Variants in SLF1 observed in about 807,000 individuals in gnomAD.
SLF1 encodes the protein SMC5-SMC6 complex localization factor protein 1.
SLF1 carries 105 observed loss-of-function variants against 123.0 expected under a neutral mutation model. The ratio of observed to expected loss-of-function variants is 0.85; its 90% CI spans 0.73 to 1.00. The LOEUF is 1.00. Among genes scored for constraint, SLF1 ranks in the 50% least tolerant of loss-of-function variants. The pLI is 0.00. For missense variants in SLF1, 1,239 were observed against 1,223.0 expected (o/e 1.01, Z -0.20); for synonymous variants, 434 against 406.6 (o/e 1.07, Z -0.81).
At chr5:94,673,763 G>A (rs1464821971) in intron 14 of SLF1, among the ~76,000 whole-genome samples, 2 of 149,490 alleles carry the variant, frequency 1.3e-5, no homozygotes. Flanking sequence ...GTTCTTGCTG[G>A]TTTTTTAAAA....
intron 15 of SLF1, among the ~76,000 whole-genome samples, chr5:94,685,949 A>G (rs1458863513): frequency 1.3e-5 from 2 of 151,484 alleles, no homozygotes; most frequent in Non-Finnish European, 2.9e-5. Context: ...CTCCTGTTTC[A>G]TGTTTTTCTT....
intron 15 of SLF1, among the ~76,000 whole-genome samples, chr5:94,684,459 G>A (rs1752153234): frequency 6.6e-6 from 1 of 152,008 alleles, no homozygotes; most frequent in South Asian, 2.1e-4. Context: ...AGCACTTTGG[G>A]AGGCCAAGGC....
In SLF1 at chr5:94,663,777, G is replaced by A; in HGVS notation, c.1237G>A (p.Val413Ile). Reference protein sequence around the residue: ...EVKNAEFPRGVLNLIESLIEG... With the variant: ...EVKNAEFPRGILNLIESLIEG... ...TAAAAATGCTGAATTTCCCAGAGGT[G>A]TATTAAATTTAATTGAAAGCCTCAT... The change falls in exon 11 of 21, where the codon GTA becomes ATA. Residue 413 changes from valine to isoleucine, a missense_variant. Transcript: ENST00000265140. The A allele has an allele frequency of 1.9e-6, 3 of 1,544,918 alleles. No individual in the cohort carries two copies. Among genetic ancestry groups the A allele is most frequent in the Non-Finnish European group, 2.6e-6 (3 of 1,144,378 alleles).
Position 94,666,519 on chromosome 5 carries a change from C to G in SLF1, c.1532+495C>G, listed in dbSNP as rs994168461. On this transcript the variant is annotated intron_variant, in intron 12 of 20. Transcript: ENST00000265140. ...ATGCTGTCACTGCCTAGACCTTCCT[C>G]TGTCTTTCAGTTGTTAGTGTCTCCA... Among the ~76,000 whole-genome samples, 4 of 152,234 alleles carry G rather than the reference C, an allele frequency of 2.6e-5. No individual in the cohort carries two copies. In the East Asian group the frequency reaches 7.7e-4, roughly 29 times the overall value.
chr5:94,662,424 A>C (rs762954948), intron 10 of SLF1, 73 bp downstream of exon 10: 22 of 1,307,216 alleles, frequency 1.7e-5, no homozygotes, highest in Non-Finnish European at 2.3e-5. Context: ...GTTATTTTGA[A>C]TAAAAGTAAT....
intron 6 of SLF1, among the ~76,000 whole-genome samples, chr5:94,650,314 A>G (rs908987608): frequency 1.1e-4 from 16 of 152,064 alleles, no homozygotes; most frequent in East Asian, 5.8e-4. Flanking sequence ...TGTTTTTACC[A>G]TATCTGTCAA....
chr5:94,651,602 C>G (rs1308698421), intron 6 of SLF1, 100 bp from the exon 7 acceptor site: 2 of 962,038 alleles, frequency 2.1e-6, no homozygotes, highest in African/African-American at 3.5e-5. Flanking sequence ...TTTACAAAAT[C>G]TATGTTCCTG....
chr5:94,695,100 C>A lies in SLF1; in HGVS notation c.2965C>A (p.Leu989Met). 1 of 1,612,660 alleles carries A rather than the reference C, an allele frequency of 6.2e-7. No homozygotes were observed. Among genetic ancestry groups the A allele is most frequent in the Non-Finnish European group, 8.5e-7 (1 of 1,179,156 alleles). ...ASKGLTHLNE[L>M]LMACKSHKET... ...CAAAGGGTTAACTCATCTAAATGAA[C>A]TGCTTATGGCTTGTAAAAGTCATAA... The change falls in exon 21 of 21, where the codon CTG (leucine) becomes ATG (methionine). Residue 989 changes from leucine to methionine, a missense_variant. Transcript: ENST00000265140.
chr5:94,631,048 A>C (rs1195433044), intron 4 of SLF1, among the ~76,000 whole-genome samples: 1 of 152,214 alleles, frequency 6.6e-6, no homozygotes, highest in African/African-American at 2.4e-5. Context: ...CTAGTTATGA[A>C]GCACTTTTAG....
At chr5:94,664,924 G>T (rs1749568476) in intron 11 of SLF1, among the ~76,000 whole-genome samples, 1 of 152,050 alleles carries the variant, frequency 6.6e-6, no homozygotes, top group African/African-American at 2.4e-5. Flanking sequence ...ACATACGAAG[G>T]TTTTACATCC....
chr5:94,644,770 C>T (rs562161379), intron 5 of SLF1, among the ~76,000 whole-genome samples: 1 of 152,186 alleles, frequency 6.6e-6, no homozygotes, highest in Admixed American at 6.5e-5. Flanking sequence ...GTACTCCTTA[C>T]ATTTACAGTT....
At chr5:94,655,330 T>G (rs1349867780) in intron 9 of SLF1, among the ~76,000 whole-genome samples, 2 of 152,214 alleles carry the variant, frequency 1.3e-5, no homozygotes, top group African/African-American at 4.8e-5. Context: ...TGGGTTACTA[T>G]AGCTTTGTGG....
Position 94,670,994 on chromosome 5 carries a change from T to A in SLF1, c.1813T>A (p.Phe605Ile), listed in dbSNP as rs1309170192. ...GACTATATATTCTCACAAGGAAAAA[T>A]TCAAGTCTAATGATGTAAGTAGGAT... The part of the protein sequence containing the change: ...EWTIYSHKEK[F>I]KSNDVFKHEL... The change falls in exon 14 of 21, where the codon TTC becomes ATC. Residue 605 changes from phenylalanine (F) to isoleucine (I), a missense_variant. By Grantham distance (21) the Phe-to-Ile change is conservative. Coordinates refer to ENST00000265140, the MANE Select transcript of SLF1 (RefSeq NM_032290.4). 1.4e-5 allele frequency: 21 copies of A among 1,540,958 alleles called. No individual in the cohort carries two copies. Among genetic ancestry groups the A allele is most frequent in the Non-Finnish European group, 1.8e-5 (20 of 1,139,218 alleles).
intron 18 of SLF1, 41 bp from the exon 19 acceptor site, chr5:94,691,523 T>A (rs751971437): frequency 1.3e-6 from 2 of 1,520,356 alleles, no homozygotes; most frequent in South Asian, 2.3e-5. Flanking sequence ...TTAGTTGATA[T>A]CTTGTCTTCT....
chr5:94,688,378 A>T (rs576034970), intron 16 of SLF1, 128 bp from the exon 17 acceptor site: 1 of 897,402 alleles, frequency 1.1e-6, no homozygotes, highest in African/African-American at 1.7e-5. Flanking sequence ...TTCAACCAAG[A>T]TAGAGTGGCA....
At chr5:94,685,245 G>C (rs1025422028) in intron 15 of SLF1, among the ~76,000 whole-genome samples, 1 of 152,140 alleles carries the variant, frequency 6.6e-6, no homozygotes, top group African/African-American at 2.4e-5. Flanking sequence ...GCCTTATACT[G>C]CTATTAAGTT....
At chr5:94,652,704 T>A (rs1747882252) in intron 7 of SLF1, among the ~76,000 whole-genome samples, 1 of 152,192 alleles carries the variant, frequency 6.6e-6, no homozygotes, top group Admixed American at 6.5e-5. Flanking sequence ...TTTCTCTAGC[T>A]TAGTTGGTAT....
At chr5:94,680,056 G>A (rs1304805803) in intron 15 of SLF1, among the ~76,000 whole-genome samples, 1 of 151,772 alleles carries the variant, frequency 6.6e-6, no homozygotes, top group African/African-American at 2.4e-5. Context: ...TTATATACTT[G>A]ATATTTTAAA....
At chr5:94,692,978 G>GA (rs1447751341) in intron 20 of SLF1, among the ~76,000 whole-genome samples, 1 of 151,908 alleles carries the variant, frequency 6.6e-6, no homozygotes, top group Non-Finnish European at 1.5e-5. Flanking sequence ...GCTTTTAAAA[G>GA]AAAAAAAGAA....
Sources: gnomAD v4.1 joint callset for allele counts (sites outside exome capture counted in the v4.1 genomes callset) on GRCh38, gnomAD v4.1.1 for gene constraint, MANE v1.5 for transcripts, NCBI Gene and HGNC (gene_info 2026-07-23, HGNC 2026-07-21) for gene names.